The following CD300LG variants were observed in gnomAD, a reference collection of about 807,000 sequenced individuals.
CD300LG encodes CMRF35-like molecule 9.
In CD300LG, 29 loss-of-function variants were observed where a neutral mutation model predicts 31.5. That is an observed-to-expected ratio of 0.92 (90% CI 0.68 to 1.25). The LOEUF (loss-of-function observed/expected upper bound fraction) is 1.25, where lower values mean the gene tolerates loss of function less well. Ranked by LOEUF, CD300LG falls within the 50% of genes most tolerant of loss-of-function variation. The probability of loss-of-function intolerance (pLI) is 0.00; values close to 1 mark genes in which losing one functional copy is unlikely to be tolerated. For synonymous variants in CD300LG, 175 were observed against 177.2 expected (o/e 0.99, Z 0.10); for missense variants, 396 against 417.6 (o/e 0.95, Z 0.45).
intron 3 of CD300LG, among the ~76,000 whole-genome samples, chr17:43,853,449 G>A (rs1473966387): frequency 6.6e-6 from 1 of 152,168 alleles, no homozygotes; most frequent in Non-Finnish European, 1.5e-5. Context: ...TGAGGAAGGA[G>A]GTGACAATTG....
At position 43,853,920 on chromosome 17, in the gene CD300LG, A is replaced by C; in HGVS notation, c.595A>C (p.Thr199Pro). 1 of 1,614,092 alleles carries C rather than the reference A, an allele frequency of 6.2e-7. No individual in the cohort carries two copies. The highest frequency in any genetic ancestry group is 8.5e-7 in the Non-Finnish European group (1 of 1,180,012). Residue 199 changes from threonine (T) to proline (P), a missense_variant, in exon 4 of 7, where the codon ACA becomes CCA. Physicochemically the swap from Thr to Pro is conservative, Grantham distance 38. Transcript: ENST00000317310. ...CGGGCACGAAAGGACTTCTCAGTACACAGGAACCTCTCCTCACCCAGCGAC... is the reference window on the plus strand; with the variant it reads ...CGGGCACGAAAGGACTTCTCAGTACCCAGGAACCTCTCCTCACCCAGCGAC... Reference protein sequence around the residue: ...QYGHERTSQYTGTSPHPATSP... With the variant: ...QYGHERTSQYPGTSPHPATSP...
In CD300LG at chr17:43,861,851, G is replaced by C; in HGVS notation, c.939G>C (p.Ser313=). The part of the protein sequence containing the change: ...PSQAPEGDVI[S]MPPLHTSEEE... ...AGGCCCCTGAGGGGGACGTGATCTC[G>C]ATGCCTCCCCTCCACACATCTGAGG... The change falls in exon 7 of 7, where the codon TCG becomes TCC. Residue 313 remains serine, a synonymous_variant. Transcript: ENST00000317310. 6.2e-7 allele frequency: 1 copy of C among 1,612,730 alleles called. No homozygotes were observed. Among genetic ancestry groups the C allele is most frequent in the Non-Finnish European group, 8.5e-7 (1 of 1,179,464 alleles).
chr17:43,847,423 G>C (rs1444515265), intron 1 of CD300LG, among the ~76,000 whole-genome samples, 164 bp downstream of exon 1: 2 of 152,166 alleles, frequency 1.3e-5, no homozygotes, highest in African/African-American at 4.8e-5. Flanking sequence ...GGGTGGCGCC[G>C]GGGCCGCACT....
chr17:43,858,437 C>T, intron 6 of CD300LG: 14 of 985,468 alleles, frequency 1.4e-5, no homozygotes, highest in Non-Finnish European at 1.7e-5. Flanking sequence ...CCAGCCACAG[C>T]TCCCATGCTA....
intron 2 of CD300LG, among the ~76,000 whole-genome samples, chr17:43,851,133 CAAAAAAAAAAAA>C (rs777282117): frequency 2.5e-5 from 1 of 40,616 alleles, no homozygotes. Flanking sequence ...GACTCAGTCT[CAAAAAAAAAAAA>C]AAAAAAAAAA....
chr17:43,861,976 C>G lies in CD300LG; in HGVS notation c.*65C>G, dbSNP rs1480272280. On this transcript the variant is annotated 3_prime_UTR_variant, in exon 7 of 7. Coordinates refer to ENST00000317310, the MANE Select transcript of CD300LG (RefSeq NM_145273.4). ...ATGGCTGGCTGGATCAGCACCGATT[C>G]CCGAAAGCTTTCCACCTCAGCCTCA... 1.8e-5 allele frequency: 21 copies of G among 1,194,036 alleles called. No homozygotes were observed. The highest frequency in any genetic ancestry group is 1.7e-4 in the African/African-American group (11 of 64,402). The allele number at this position is 1,194,036 out of a possible 1,614,324, so 74.0% of individuals were successfully genotyped here.
At position 43,853,667 on chromosome 17, in the gene CD300LG, A is replaced by T. The variant is rs558909154; in HGVS notation, c.482-140A>T. On this transcript the variant is annotated intron_variant, in intron 3 of 6. Transcript: ENST00000317310. Reference sequence around the variant, plus strand: ...TGGCTTCATCTAGATCTGTTTGCTTACTGGGGTATCCTTTAGCTGGGGATG... The same window carrying T: ...TGGCTTCATCTAGATCTGTTTGCTTTCTGGGGTATCCTTTAGCTGGGGATG... 22 of 664,420 alleles carry T rather than the reference A, an allele frequency of 3.3e-5. No homozygotes were observed. The East Asian group carries it at 5.2e-4, about 16-fold the overall frequency. 41.2% of individuals were successfully genotyped at this position (664,420 alleles called of 1,614,324 possible). A position where few individuals can be genotyped will look rare whatever the true frequency, so the allele number is the denominator to read the frequency against.
intron 6 of CD300LG, chr17:43,858,768 A>C (rs1346469433): frequency 1.1e-6 from 1 of 935,816 alleles, no homozygotes. Flanking sequence ...CATTCGGGTC[A>C]AAGAGGGAGG....
At chr17:43,849,141 A>G (rs970347898) in intron 2 of CD300LG, 2 of 572,054 alleles carry the variant, frequency 3.5e-6, no homozygotes, top group African/African-American at 3.7e-5. Context: ...AGATCTGTCC[A>G]GGGCTGGGCT....
rs760923345 is a variant in CD300LG at position 43,853,969 on chromosome 17, GC to G, written c.651del (p.Met218CysfsTer39). 5.6e-5 allele frequency: 90 copies of G among 1,613,924 alleles called. 1 individual carries two copies. The East Asian group carries it at 7.6e-4, about 14-fold the overall frequency. On this transcript the variant is annotated frameshift_variant, in exon 4 of 7. Coordinates refer to ENST00000317310, the MANE Select transcript of CD300LG (RefSeq NM_145273.4). LOFTEE classifies it high-confidence loss of function. ...PATSPPAGSS[R>X]PPMQLDSTSA... Reference sequence around the variant, plus strand: ...ACCTCTCCTCCTGCAGGGAGCTCCCGCCCCCCCATGCAGCTGGACTCCACCT... The same window carrying G: ...ACCTCTCCTCCTGCAGGGAGCTCCCGCCCCCCATGCAGCTGGACTCCACCT...
chr17:43,857,788 A>G, intron 6 of CD300LG: 1 of 1,537,268 alleles, frequency 6.5e-7, no homozygotes, highest in Non-Finnish European at 8.7e-7. Context: ...TTCTCTTTCC[A>G]GAACTCCCTG....
At position 43,847,212 on chromosome 17, in the gene CD300LG, C is replaced by T. The variant is rs1160859657; in HGVS notation, c.-5C>T. The T allele has an allele frequency of 1.2e-6, 2 of 1,613,876 alleles. No individual in the cohort carries two copies. The highest frequency in any genetic ancestry group is 4.5e-5 in the East Asian group (2 of 44,870). On this transcript the variant is annotated 5_prime_UTR_variant, in exon 1 of 7. Coordinates refer to ENST00000317310, the MANE Select transcript of CD300LG (RefSeq NM_145273.4). Reference sequence around the variant, plus strand: ...CGTCTGCTCCCACGGTGTCCAGCGCCCAGAATGCGGCTTCTGGTCCTGCTA... The same window carrying T: ...CGTCTGCTCCCACGGTGTCCAGCGCTCAGAATGCGGCTTCTGGTCCTGCTA...
chr17:43,855,493 C>T (rs767448448), intron 5 of CD300LG, 174 bp downstream of exon 5: 1 of 459,510 alleles, frequency 2.2e-6, no homozygotes. Context: ...AGGTAGTCAA[C>T]ATTAGGAAAG....
At chr17:43,854,898 T>C (rs925476731) in intron 4 of CD300LG, among the ~76,000 whole-genome samples, 7 of 152,114 alleles carry the variant, frequency 4.6e-5, no homozygotes, top group African/African-American at 1.7e-4. Context: ...ACCACAGCCA[T>C]TTTACAGAGG....
At chr17:43,848,443 C>T in intron 1 of CD300LG, 115 bp from the exon 2 acceptor site, 1 of 862,196 alleles carries the variant, frequency 1.2e-6, no homozygotes, top group Non-Finnish European at 1.8e-6. Flanking sequence ...AAGGCTGTCC[C>T]CAGAAGGGAT....
At chr17:43,852,266 C>T (rs2046382077) in intron 2 of CD300LG, among the ~76,000 whole-genome samples, 2 of 151,242 alleles carry the variant, frequency 1.3e-5, no homozygotes, top group East Asian at 2.0e-4. Context: ...AGTGCAGTGG[C>T]GCAATCTTGG....
In CD300LG at chr17:43,857,152, GCTT is replaced by G; in HGVS notation, c.882_884del (p.Leu295del). On this transcript the variant is annotated inframe_deletion and splice_region_variant, in exon 6 of 7. Coordinates refer to ENST00000317310, the MANE Select transcript of CD300LG (RefSeq NM_145273.4). ...AGGAACGAGAAGTTCTGCCTCTCAC[GCTT>G]GGTAAGGACAGAGGCATATGGAAGC... The G allele has an allele frequency of 1.2e-6, 2 of 1,614,060 alleles. No homozygotes were observed. The highest frequency in any genetic ancestry group is 1.7e-6 in the Non-Finnish European group (2 of 1,179,978).
At chr17:43,848,535 C>T (rs1291645698) in intron 1 of CD300LG, 23 bp from the exon 2 acceptor site, 3 of 1,595,256 alleles carry the variant, frequency 1.9e-6, no homozygotes, top group South Asian at 1.1e-5. Context: ...TTTTTCCAAC[C>T]TCCACTCCTG....
At chr17:43,859,983 G>A (rs529961967) in intron 6 of CD300LG, among the ~76,000 whole-genome samples, 1 of 152,304 alleles carries the variant, frequency 6.6e-6, no homozygotes, top group Non-Finnish European at 1.5e-5. Context: ...TGGTCCTCTA[G>A]CCTCAGCCTC....
Sources: gnomAD v4.1 joint callset for allele counts (sites outside exome capture counted in the v4.1 genomes callset) on GRCh38, gnomAD v4.1.1 for gene constraint, MANE v1.5 for transcripts, NCBI Gene and HGNC (gene_info 2026-07-23, HGNC 2026-07-21) for gene names.